The following SLC35F3 variants were observed in gnomAD, a reference collection of about 807,000 sequenced individuals.
The protein encoded by SLC35F3 is solute carrier family 35 member F3, also known as putative thiamine transporter SLC35F3.
A neutral mutation model predicts 49.9 loss-of-function variants in SLC35F3; 25 were observed. The observed-to-expected ratio is 0.50, with a 90% CI of 0.37 to 0.70. The LOEUF is 0.70. Among genes scored for constraint, SLC35F3 ranks in the 30% least tolerant of loss-of-function variants. SLC35F3 has a pLI of 0.00. For synonymous variants in SLC35F3, 275 were observed against 265.4 expected, an observed-to-expected ratio of 1.04 and a Z score of -0.35; for missense variants, 525 against 639.8, an observed-to-expected ratio of 0.82 and a Z score of 1.94.
At chr1:234,144,777 G>A (rs1171240605) in intron 2 of SLC35F3, among the ~76,000 whole-genome samples, 3 of 152,118 alleles carry the variant, frequency 2.0e-5, no homozygotes, top group Admixed American at 6.5e-5. Flanking sequence ...GATGAGACTC[G>A]TGTGAAAACA....
At position 234,309,087 on chromosome 1, in the gene SLC35F3, T is replaced by C; in HGVS notation, c.609-14T>C. On this transcript the variant is annotated splice_polypyrimidine_tract_variant and intron_variant, in intron 3 of 7. Transcript: ENST00000366618. ...CAGGAAAATAATAACGATGCCTCTC[T>C]TTCCTTGTTTTAGGGAATGCTGTCG... 8.7e-6 allele frequency: 14 copies of C among 1,612,134 alleles called. No homozygotes were observed. The highest frequency in any genetic ancestry group is 1.1e-5 in the Non-Finnish European group (13 of 1,178,274).
chr1:234,281,056 TGTGA>T (rs1668317368), intron 3 of SLC35F3, among the ~76,000 whole-genome samples: 1 of 151,566 alleles, frequency 6.6e-6, no homozygotes, highest in African/African-American at 2.4e-5. Context: ...TGTGTTCTTA[TGTGA>T]GTGTTATGGG....
intron 2 of SLC35F3, among the ~76,000 whole-genome samples, chr1:234,162,041 G>T (rs1161013233): frequency 6.6e-6 from 1 of 152,114 alleles, no homozygotes; most frequent in Non-Finnish European, 1.5e-5. Context: ...GACCTGTGCT[G>T]TCTAGGGCTC....
chr1:234,112,932 T>C, intron 2 of SLC35F3, among the ~76,000 whole-genome samples: 1 of 151,252 alleles, frequency 6.6e-6, no homozygotes, highest in East Asian at 2.0e-4. Flanking sequence ...AGGCTGGGCA[T>C]GGTGGCATAT....
At chr1:234,195,609 T>C (rs1327216856) in intron 2 of SLC35F3, among the ~76,000 whole-genome samples, 1 of 152,160 alleles carries the variant, frequency 6.6e-6, no homozygotes, top group Admixed American at 6.5e-5. Context: ...TTCGGTCCAA[T>C]TTTACTTTCT....
At chr1:234,289,474 T>TG (rs1298866007) in intron 3 of SLC35F3, among the ~76,000 whole-genome samples, 3 of 152,086 alleles carry the variant, frequency 2.0e-5, no homozygotes, top group African/African-American at 7.2e-5. Context: ...TATATAAAGG[T>TG]GGAAATCCAA....
intron 2 of SLC35F3, among the ~76,000 whole-genome samples, chr1:234,210,859 T>G (rs574334579): frequency 6.6e-6 from 1 of 152,348 alleles, no homozygotes; most frequent in East Asian, 1.9e-4. Context: ...GAGCTGAATG[T>G]TAATCACCAA....
At chr1:234,283,678 G>A (rs1273667301) in intron 3 of SLC35F3, among the ~76,000 whole-genome samples, 1 of 152,150 alleles carries the variant, frequency 6.6e-6, no homozygotes, top group Non-Finnish European at 1.5e-5. Flanking sequence ...CAGAGAATAC[G>A]GGCCTGGATG....
intron 3 of SLC35F3, among the ~76,000 whole-genome samples, chr1:234,301,260 C>A (rs974615952): frequency 6.6e-6 from 1 of 152,098 alleles, no homozygotes; most frequent in South Asian, 2.1e-4. Context: ...CAGACAAGAT[C>A]GGGCGTGTTC....
intron 2 of SLC35F3, among the ~76,000 whole-genome samples, chr1:234,089,907 G>C (rs1558226440): frequency 6.6e-6 from 1 of 152,188 alleles, no homozygotes; most frequent in Non-Finnish European, 1.5e-5. Flanking sequence ...AAGATAAAAA[G>C]ATATACCAAG....
intron 2 of SLC35F3, among the ~76,000 whole-genome samples, chr1:234,028,246 C>T (rs1664006682): frequency 6.6e-6 from 1 of 152,188 alleles, no homozygotes; most frequent in Non-Finnish European, 1.5e-5. Flanking sequence ...AGCTTCTGAT[C>T]CTCAGATAAA....
At chr1:234,226,607 C>G (rs1178901719) in intron 2 of SLC35F3, among the ~76,000 whole-genome samples, 2 of 150,850 alleles carry the variant, frequency 1.3e-5, no homozygotes, top group African/African-American at 4.9e-5. Context: ...AAGCAGTGGA[C>G]AGCTCATGGG....
chr1:234,253,457 TAAA>T (rs59259237), intron 3 of SLC35F3, among the ~76,000 whole-genome samples: 2 of 147,810 alleles, frequency 1.4e-5, no homozygotes, highest in African/African-American at 4.9e-5. Context: ...CATTTGAATT[TAAA>T]AAAAAAAAGG....
At chr1:234,079,963 G>A (rs933375760) in intron 2 of SLC35F3, among the ~76,000 whole-genome samples, 2 of 152,166 alleles carry the variant, frequency 1.3e-5, no homozygotes, top group Non-Finnish European at 1.5e-5. Context: ...GGGTGAGACA[G>A]CATCTTTTGT....
At chr1:234,279,994 C>T (rs1036511686) in intron 3 of SLC35F3, among the ~76,000 whole-genome samples, 7 of 152,176 alleles carry the variant, frequency 4.6e-5, no homozygotes, top group Admixed American at 3.3e-4. Context: ...GCAATGGCTA[C>T]ATAAGTTGGA....
In SLC35F3 at chr1:234,214,723, G is replaced by A; in HGVS notation, c.284-16694G>A. On this transcript the variant is annotated intron_variant, in intron 2 of 7. Transcript: ENST00000366618. This position sits in a 1 kb window ranked among gnomAD's most constrained non-coding sequence, Gnocchi z 8.0. ...TCCGCAGTGCAGAGCGCCGCCGCCT[G>A]CGTGGGGGGATCTGGCAGCTTCAGG... The A allele has an allele frequency of 9.3e-7, 1 of 1,078,840 alleles. No homozygotes were observed. The highest frequency in any genetic ancestry group is 1.2e-6 in the Non-Finnish European group (1 of 803,436). 66.8% of individuals were successfully genotyped at this position (1,078,840 alleles called of 1,614,324 possible).
intron 2 of SLC35F3, among the ~76,000 whole-genome samples, chr1:233,995,632 T>C (rs912080621): frequency 7.9e-5 from 12 of 152,182 alleles, no homozygotes; most frequent in Non-Finnish European, 1.6e-4. Flanking sequence ...GCGGAGGCTT[T>C]TCTTGGACAA....
At chr1:233,946,527 A>G (rs1279262759) in intron 2 of SLC35F3, among the ~76,000 whole-genome samples, 2 of 152,168 alleles carry the variant, frequency 1.3e-5, no homozygotes, top group African/African-American at 4.8e-5. Flanking sequence ...ATTGTCATTT[A>G]TAATGTTTTC....
At chr1:233,978,934 G>A (rs1250672902) in intron 2 of SLC35F3, among the ~76,000 whole-genome samples, 1 of 151,902 alleles carries the variant, frequency 6.6e-6, no homozygotes, top group East Asian at 1.9e-4. Flanking sequence ...TACTCGGGAG[G>A]CTGAGGCAGG....
Sources: allele counts gnomAD v4.1 joint callset (sites outside exome capture counted in the v4.1 genomes callset), GRCh38; gene constraint gnomAD v4.1.1; non-coding constraint Gnocchi (gnomAD v3.1); transcripts MANE v1.5; gene names NCBI Gene and HGNC (gene_info 2026-07-23, HGNC 2026-07-21).